ANXA5: variants seen among roughly 807,000 people sequenced by gnomAD.
ANXA5 encodes the protein CBP-I.
Under a neutral mutation model 48.1 loss-of-function variants are expected in ANXA5, and 40 were observed. The ratio of observed to expected loss-of-function variants is 0.83; its 90% CI spans 0.65 to 1.08. The LOEUF (loss-of-function observed/expected upper bound fraction) is 1.08, where lower values mean the gene tolerates loss of function less well. Ranked by LOEUF, ANXA5 falls within the 50% of genes least tolerant of loss-of-function variation. The pLI, the probability that ANXA5 is intolerant of heterozygous loss-of-function variation, is 0.00. For missense variants in ANXA5, 357 were observed against 376.8 expected (o/e 0.95, Z 0.44); for synonymous variants, 113 against 129.1 (o/e 0.88, Z 0.85).
chr4:121,668,738 G>C (rs1426682115), intron 12 of ANXA5, among the ~76,000 whole-genome samples: 4 of 151,816 alleles, frequency 2.6e-5, no homozygotes, highest in African/African-American at 9.7e-5. Flanking sequence ...AAAGAATCAG[G>C]CAACTTTAAC....
chr4:121,694,103 G>A (rs537053612), intron 2 of ANXA5, among the ~76,000 whole-genome samples: 3 of 89,372 alleles, frequency 3.4e-5, no homozygotes, highest in South Asian at 3.4e-4. Flanking sequence ...TATTGTGGGC[G>A]GGGGGGAGGG....
At chr4:121,681,111 A>G (rs1724786610) in intron 6 of ANXA5, among the ~76,000 whole-genome samples, 1 of 152,178 alleles carries the variant, frequency 6.6e-6, no homozygotes, top group Non-Finnish European at 1.5e-5. Flanking sequence ...GATTCTATTC[A>G]TGAGACATAT....
At chr4:121,694,865 A>G (rs758892225) in intron 2 of ANXA5, among the ~76,000 whole-genome samples, 10 of 152,250 alleles carry the variant, frequency 6.6e-5, no homozygotes, top group Non-Finnish European at 1.0e-4. Context: ...GCTCAGGTAC[A>G]TAATTTTATA....
chr4:121,694,260 T>C (rs1003687349), intron 2 of ANXA5, among the ~76,000 whole-genome samples: 3 of 138,640 alleles, frequency 2.2e-5, no homozygotes, highest in African/African-American at 5.7e-5. Context: ...AAAATATATA[T>C]ATAATAAAAA....
chr4:121,668,099 A>G lies in ANXA5; in HGVS notation c.*369T>C, dbSNP rs1363774846. 1.2e-5 allele frequency: 2 copies of G among 166,050 alleles called. No homozygotes were observed. Among genetic ancestry groups the G allele is most frequent in the African/African-American group, 2.4e-5 (1 of 41,914 alleles). 10.3% of individuals were successfully genotyped at this position (166,050 alleles called of 1,614,324 possible). On this transcript the variant is annotated 3_prime_UTR_variant, in exon 13 of 13. Coordinates refer to ENST00000296511, the MANE Select transcript of ANXA5 (RefSeq NM_001154.4). ...GCGAACTTCACTAATAACATTTCCA[A>G]GAGTTCACAATTTCAAGGCTAAGCT...
At chr4:121,679,886 G>A (rs1196837156) in intron 6 of ANXA5, among the ~76,000 whole-genome samples, 1 of 152,122 alleles carries the variant, frequency 6.6e-6, no homozygotes, top group Admixed American at 6.5e-5. Context: ...ATTTTTGTGT[G>A]TGGTGAGGAC....
rs1311455496 is a variant in ANXA5, at chr4:121,670,016, A to C, written c.722-4T>G. Reference sequence around the variant, plus strand: ...GGTATACTTCGAATAGATTTCACTAAGAAAATAAACAATACAATGGTCAAA... The same window carrying C: ...GGTATACTTCGAATAGATTTCACTACGAAAATAAACAATACAATGGTCAAA... On this transcript the variant is annotated splice_polypyrimidine_tract_variant and splice_region_variant and intron_variant, in intron 10 of 12. Coordinates refer to ENST00000296511, the MANE Select transcript of ANXA5 (RefSeq NM_001154.4). 11 of 1,591,186 alleles carry C rather than the reference A, an allele frequency of 6.9e-6. No individual in the cohort carries two copies. Among genetic ancestry groups the C allele is most frequent in the Non-Finnish European group, 9.4e-6 (11 of 1,166,316 alleles).
chr4:121,668,582 T>C, intron 12 of ANXA5, 55 bp from the exon 13 acceptor site: 1 of 1,525,284 alleles, frequency 6.6e-7, no homozygotes, highest in Non-Finnish European at 9.1e-7. Flanking sequence ...CATAGAAAAT[T>C]TTAAAACTAA....
chr4:121,692,452 G>A (rs1214811044), intron 2 of ANXA5, among the ~76,000 whole-genome samples: 1 of 152,202 alleles, frequency 6.6e-6, no homozygotes, highest in Non-Finnish European at 1.5e-5. Context: ...AAAGTGAGCA[G>A]GTGGCATTGG....
At chr4:121,693,290 A>G (rs1411487098) in intron 2 of ANXA5, among the ~76,000 whole-genome samples, 2 of 152,158 alleles carry the variant, frequency 1.3e-5, no homozygotes, top group African/African-American at 2.4e-5. Flanking sequence ...AGCCAGGAGT[A>G]TAATTCCTTG....
chr4:121,687,400 G>A (rs899148269), intron 2 of ANXA5, among the ~76,000 whole-genome samples: 3 of 151,832 alleles, frequency 2.0e-5, no homozygotes, highest in Non-Finnish European at 2.9e-5. Flanking sequence ...GCTAAATGGA[G>A]GCTCCCAGAA....
At chr4:121,692,772 G>A (rs1725008064) in intron 2 of ANXA5, among the ~76,000 whole-genome samples, 1 of 152,192 alleles carries the variant, frequency 6.6e-6, no homozygotes, top group African/African-American at 2.4e-5. Context: ...ACTGTGTTAT[G>A]AGGACTAAAT....
intron 2 of ANXA5, among the ~76,000 whole-genome samples, chr4:121,692,912 A>G (rs1377016915): frequency 6.6e-6 from 1 of 152,254 alleles, no homozygotes; most frequent in Non-Finnish European, 1.5e-5. Context: ...TCATGAATGC[A>G]TGCATGGATG....
chr4:121,685,033 T>C (rs1724859126), intron 3 of ANXA5, among the ~76,000 whole-genome samples: 1 of 119,714 alleles, frequency 8.4e-6, no homozygotes, highest in Admixed American at 8.4e-5. Context: ...AAAAAAAATA[T>C]GTATATATAT....
chr4:121,685,071 TACACAC>T (rs56278871), intron 3 of ANXA5, among the ~76,000 whole-genome samples: 1 of 146,532 alleles, frequency 6.8e-6, no homozygotes, highest in Non-Finnish European at 1.5e-5. Flanking sequence ...CATATATATA[TACACAC>T]ACACACACAC....
chr4:121,691,324 CAA>C (rs5861533), intron 2 of ANXA5, among the ~76,000 whole-genome samples: 3 of 150,232 alleles, frequency 2.0e-5, no homozygotes, highest in Non-Finnish European at 3.0e-5. Context: ...CTAGGTATGC[CAA>C]AAAAAAAATG....
chr4:121,669,493 T>G, intron 12 of ANXA5, 109 bp downstream of exon 12: 1 of 1,389,028 alleles, frequency 7.2e-7, no homozygotes, highest in Non-Finnish European at 9.9e-7. Context: ...ATCGTGTCAC[T>G]AAAATTTTAA....
intron 6 of ANXA5, among the ~76,000 whole-genome samples, chr4:121,680,067 A>G (rs2110483880): frequency 6.6e-6 from 1 of 152,126 alleles, no homozygotes. Context: ...CCACCCCTAC[A>G]CCCTAGCAAA....
chr4:121,669,486 G>T, intron 12 of ANXA5, 116 bp downstream of exon 12: 1 of 1,261,896 alleles, frequency 7.9e-7, no homozygotes, highest in Non-Finnish European at 1.1e-6. Context: ...TGCTCTAATC[G>T]TGTCACTAAA....
Sources: allele counts gnomAD v4.1 joint callset (sites outside exome capture counted in the v4.1 genomes callset), GRCh38; gene constraint gnomAD v4.1.1; transcripts MANE v1.5; gene names NCBI Gene and HGNC (gene_info 2026-07-23, HGNC 2026-07-21).